The following MITF variants were observed in gnomAD, a reference collection of about 807,000 sequenced individuals.
MITF encodes melanocyte inducing transcription factor.
In MITF, 17 loss-of-function variants were observed where a neutral mutation model predicts 60.5. The observed-to-expected ratio is 0.28, with a 90% CI of 0.19 to 0.42. The LOEUF is 0.42. MITF is among the 10% of genes least tolerant of loss of function. The pLI, the probability that MITF is intolerant of heterozygous loss-of-function variation, is 1.00. For missense variants in MITF, 622 were observed against 683.5 expected, an observed-to-expected ratio of 0.91 and a Z score of 1.00; for synonymous variants, 260 against 248.5, an observed-to-expected ratio of 1.05 and a Z score of -0.43.
chr3:69,800,231 T>C (rs949180684), intron 1 of MITF, among the ~76,000 whole-genome samples: 1 of 152,194 alleles, frequency 6.6e-6, no homozygotes, highest in Non-Finnish European at 1.5e-5. Context: ...CTAGCTTCTT[T>C]CACTTAGCAT....
chr3:69,828,979 A>G (rs2063402081), intron 1 of MITF, among the ~76,000 whole-genome samples: 1 of 151,850 alleles, frequency 6.6e-6, no homozygotes, highest in South Asian at 2.1e-4. Context: ...TTTTACTAAG[A>G]TTCATGCCAC....
intron 1 of MITF, among the ~76,000 whole-genome samples, chr3:69,809,149 A>G (rs897947541): frequency 6.6e-6 from 1 of 152,138 alleles, no homozygotes; most frequent in Non-Finnish European, 1.5e-5. Context: ...TGCCTCCTAT[A>G]ATAATATTAC....
At chr3:69,830,840 T>C (rs2107096119) in intron 1 of MITF, among the ~76,000 whole-genome samples, 1 of 152,348 alleles carries the variant, frequency 6.6e-6, no homozygotes, top group South Asian at 2.1e-4. Context: ...ATCTCATGTC[T>C]TACGTTGCCA....
chr3:69,853,171 A>G (rs1486791098), intron 1 of MITF, among the ~76,000 whole-genome samples: 1 of 152,128 alleles, frequency 6.6e-6, no homozygotes, highest in Non-Finnish European at 1.5e-5. Context: ...AAGTTGTCAG[A>G]ACAACCTAGT....
intron 1 of MITF, among the ~76,000 whole-genome samples, chr3:69,798,690 AC>A (rs1242244750): frequency 1.3e-5 from 2 of 152,094 alleles, no homozygotes; most frequent in Non-Finnish European, 2.9e-5. Context: ...GCCTTTGCCA[AC>A]CTCCCTGGTC....
At chr3:69,870,281 C>CGT (rs1553691655) in intron 1 of MITF, among the ~76,000 whole-genome samples, 4 of 146,976 alleles carry the variant, frequency 2.7e-5, no homozygotes, top group Admixed American at 2.7e-4. Context: ...CACACACACA[C>CGT]GTGTGTGTGT....
chr3:69,827,064 T>A (rs747490731), intron 1 of MITF, among the ~76,000 whole-genome samples: 10 of 152,196 alleles, frequency 6.6e-5, no homozygotes, highest in Non-Finnish European at 1.5e-4. Flanking sequence ...TTAGCCTACA[T>A]CCTCCTCTTC....
chr3:69,936,520 G>T, intron 2 of MITF: 1 of 1,288,914 alleles, frequency 7.8e-7, no homozygotes, highest in Non-Finnish European at 1.0e-6. Flanking sequence ...GCCCTTATGT[G>T]AACGTTTTTT....
rs989883089 is a variant in MITF at position 69,739,784 on chromosome 3, G to A, written c.104+83G>A. 1.2e-5 allele frequency: 13 copies of A among 1,062,202 alleles called. No individual in the cohort carries two copies. The African/African-American group carries it at 1.3e-4, about 10-fold the overall frequency. 65.8% of individuals were successfully genotyped at this position (1,062,202 alleles called of 1,614,324 possible). ...CACTCTGGGGCGAGGAGAGCGGGTC[G>A]CGGGAGCTCTGGGACAAGGACCCAG... On this transcript the variant is annotated intron_variant, in intron 1 of 9. Coordinates refer to ENST00000352241, the MANE Select transcript of MITF (RefSeq NM_001354604.2).
At chr3:69,922,391 T>C (rs1559722011) in intron 2 of MITF, among the ~76,000 whole-genome samples, 1 of 152,112 alleles carries the variant, frequency 6.6e-6, no homozygotes, top group Non-Finnish European at 1.5e-5. Context: ...CCAGCTAATT[T>C]TTATATTTTT....
chr3:69,880,966 C>T (rs2064473182), intron 2 of MITF, among the ~76,000 whole-genome samples: 1 of 151,964 alleles, frequency 6.6e-6, no homozygotes, highest in African/African-American at 2.4e-5. Flanking sequence ...AAGGCAGCTA[C>T]AACAGAGAGG....
At chr3:69,850,912 A>G (rs1175888481) in intron 1 of MITF, among the ~76,000 whole-genome samples, 1 of 152,152 alleles carries the variant, frequency 6.6e-6, no homozygotes, top group African/African-American at 2.4e-5. Context: ...TTGCATGCTC[A>G]TGGAGCCCCC....
intron 1 of MITF, among the ~76,000 whole-genome samples, chr3:69,812,138 G>C (rs1429672170): frequency 1.3e-5 from 2 of 152,262 alleles, no homozygotes; most frequent in Non-Finnish European, 2.9e-5. Flanking sequence ...AATGGGGTAA[G>C]GAGAATAAGC....
intron 1 of MITF, among the ~76,000 whole-genome samples, chr3:69,758,435 C>T (rs1299413965): frequency 1.3e-5 from 2 of 152,084 alleles, no homozygotes; most frequent in Middle Eastern, 3.2e-3. Context: ...AGTCCCAAAG[C>T]ACTGTGATTA....
At chr3:69,782,129 C>T (rs1467724115) in intron 1 of MITF, among the ~76,000 whole-genome samples, 1 of 152,340 alleles carries the variant, frequency 6.6e-6, no homozygotes, top group African/African-American at 2.4e-5. Context: ...GTGCAGTGCA[C>T]AGCCTGAGTG....
intron 1 of MITF, among the ~76,000 whole-genome samples, chr3:69,839,373 T>G (rs1166187463): frequency 7.0e-6 from 1 of 143,184 alleles, no homozygotes; most frequent in Non-Finnish European, 1.6e-5. Context: ...CAAAATCATG[T>G]GATTTTCTTT....
chr3:69,794,190 A>G (rs2062790674), intron 1 of MITF, among the ~76,000 whole-genome samples: 1 of 152,206 alleles, frequency 6.6e-6, no homozygotes. Flanking sequence ...CTGTTTCCAC[A>G]TATTCTATAA....
At position 69,965,336 on chromosome 3, in the gene MITF, A is replaced by T; in HGVS notation, c.*88A>T. 6.9e-7 allele frequency: 1 copy of T among 1,456,978 alleles called. No homozygotes were observed. Among genetic ancestry groups the T allele is most frequent in the Non-Finnish European group, 9.4e-7 (1 of 1,066,556 alleles). The allele number at this position is 1,456,978 out of a possible 1,614,324, so 90.3% of individuals were successfully genotyped here. A position where few individuals can be genotyped will look rare whatever the true frequency, so the allele number is the denominator to read the frequency against. ...CTTACCTGAAGGGGTTTTCTTGATA[A>T]TTTTCCTTTAATATGAAATTTTTTT... On this transcript the variant is annotated 3_prime_UTR_variant, in exon 10 of 10. Coordinates refer to ENST00000352241, the MANE Select transcript of MITF (RefSeq NM_001354604.2).
At chr3:69,875,140 G>A (rs948882270) in intron 1 of MITF, among the ~76,000 whole-genome samples, 5 of 152,220 alleles carry the variant, frequency 3.3e-5, no homozygotes, top group African/African-American at 1.2e-4. Flanking sequence ...AGCTCATGCA[G>A]CTCGGCAGTG....
Sources: gnomAD v4.1 joint callset for allele counts (sites outside exome capture counted in the v4.1 genomes callset) on GRCh38, gnomAD v4.1.1 for gene constraint, MANE v1.5 for transcripts, NCBI Gene and HGNC (gene_info 2026-07-23, HGNC 2026-07-21) for gene names.